The following MARVELD3 variants were observed in gnomAD, a reference collection of about 807,000 sequenced individuals.
The protein encoded by MARVELD3 is MARVEL domain-containing protein 3.
A neutral mutation model predicts 33.5 loss-of-function variants in MARVELD3; 28 were observed. The ratio of observed to expected loss-of-function variants is 0.84; its 90% CI spans 0.62 to 1.15. MARVELD3 has a LOEUF of 1.15. MARVELD3 is among the 50% of genes most tolerant of loss of function. The pLI, the probability that MARVELD3 is intolerant of heterozygous loss-of-function variation, is 0.00. For synonymous variants in MARVELD3, 241 were observed against 230.4 expected, an observed-to-expected ratio of 1.05 and a Z score of -0.42; for missense variants, 582 against 547.6, an observed-to-expected ratio of 1.06 and a Z score of -0.63.
In MARVELD3 at chr16:71,634,494, T is replaced by A. The variant is rs751361577; in HGVS notation, c.897T>A (p.Cys299Ter). Residue 299 changes from cysteine to a stop codon, truncating the protein, a stop_gained, in exon 3 of 3, where the codon TGT (cysteine) becomes TGA (stop). Coordinates refer to ENST00000268485, the MANE Select transcript of MARVELD3 (RefSeq NM_052858.6). LOFTEE classifies it high-confidence loss of function. The part of the protein sequence containing the change: ...AMGVLRVPWH[C>*]PLLLVTEGLL... Reference sequence around the variant, plus strand: ...GTGTCCTGCGGGTCCCGTGGCATTGTCCACTGTTGCTGGTGACCGAAGGCT... The same window carrying A: ...GTGTCCTGCGGGTCCCGTGGCATTGACCACTGTTGCTGGTGACCGAAGGCT... 1.9e-6 allele frequency: 3 copies of A among 1,614,190 alleles called. No individual in the cohort carries two copies. The Admixed American group carries it at 5.0e-5, about 27-fold the overall frequency.
rs750788364 is a variant in MARVELD3 at position 71,634,729 on chromosome 16, G to A, written c.1132G>A (p.Ala378Thr). The change falls in exon 3 of 3, where the codon GCT becomes ACT. Residue 378 changes from alanine (A) to threonine (T), a missense_variant. Physicochemically the swap from Ala to Thr is moderately conservative, Grantham distance 58. Coordinates refer to ENST00000268485, the MANE Select transcript of MARVELD3 (RefSeq NM_052858.6). ...ALGIVVFALGAVLAIKGYRKV... is the reference protein window; with the variant it reads ...ALGIVVFALGTVLAIKGYRKV... ...GGGCATTGTGGTCTTTGCCCTGGGG[G>A]CTGTCCTGGCCATAAAGGGCTACCG... The A allele has an allele frequency of 6.2e-7, 1 of 1,614,138 alleles. No individual in the cohort carries two copies. Among genetic ancestry groups the A allele is most frequent in the South Asian group, 1.1e-5 (1 of 91,080 alleles).
intron 1 of MARVELD3, among the ~76,000 whole-genome samples, chr16:71,628,488 G>C (rs967076705): frequency 4.6e-5 from 7 of 151,080 alleles, no homozygotes; most frequent in Non-Finnish European, 7.4e-5. Flanking sequence ...AGTGAGCTGA[G>C]ATCTCGACAC....
At position 71,626,299 on chromosome 16, in the gene MARVELD3, C is replaced by A. The variant is rs772212824; in HGVS notation, c.70C>A (p.His24Asn). Residue 24 changes from histidine to asparagine, a missense_variant, in exon 1 of 3, where the codon CAC (histidine) becomes AAC (asparagine). Physicochemically the swap from His to Asn is moderately conservative, Grantham distance 68. Coordinates refer to ENST00000268485, the MANE Select transcript of MARVELD3 (RefSeq NM_052858.6). This position sits in a 1 kb window ranked among gnomAD's most constrained non-coding sequence, Gnocchi z 5.3. The stretch of plus-strand genomic sequence containing the variant: ...AGAGCGGGACCCGGGACGGCGCCCC[C>A]ACCCAGACCAAGGCCGCACCCACGA... ...PRERDPGRRPHPDQGRTHDRP... is the reference protein window; with the variant it reads ...PRERDPGRRPNPDQGRTHDRP... 1.1e-5 allele frequency: 17 copies of A among 1,547,038 alleles called. No homozygotes were observed. The East Asian group carries it at 3.2e-4, about 29-fold the overall frequency.
At chr16:71,634,107 C>A (rs1422442273) in intron 2 of MARVELD3, 86 bp from the exon 3 acceptor site, 1 of 1,534,614 alleles carries the variant, frequency 6.5e-7, no homozygotes, top group Admixed American at 2.0e-5. Flanking sequence ...GGGGTCTGAG[C>A]CCTGCGCGGA....
Position 71,635,846 on chromosome 16 carries a change from G to C in MARVELD3, c.*1043G>C. ...GCGTGGGCTGAGGAAAGAGGAATCAGATTAATTCTCTGGGTTGCAAAGAGG... is the reference window on the plus strand; with the variant it reads ...GCGTGGGCTGAGGAAAGAGGAATCACATTAATTCTCTGGGTTGCAAAGAGG... On this transcript the variant is annotated 3_prime_UTR_variant, in exon 3 of 3. Transcript: ENST00000268485. 1.0e-6 allele frequency: 1 copy of C among 985,392 alleles called. No individual in the cohort carries two copies. The highest frequency in any genetic ancestry group is 1.2e-6 in the Non-Finnish European group (1 of 829,940). 61.0% of individuals were successfully genotyped at this position (985,392 alleles called of 1,614,324 possible).
In MARVELD3 at chr16:71,626,489, G is replaced by T. The variant is rs1383585051; in HGVS notation, c.260G>T (p.Arg87Leu). ...AGAGAGAGGGAAAGAGACCCGGACC[G>T]AGGCCCCCGCCGGGACACACACAGG... ...RERERERDPD[R>L]GPRRDTHRDA... Residue 87 changes from arginine (R) to leucine (L), a missense_variant, in exon 1 of 3, where the codon CGA becomes CTA. Arg to Leu is a moderately radical substitution (Grantham distance 102). Transcript: ENST00000268485. The surrounding 1 kb of genome is among the most constrained non-coding windows in gnomAD (Gnocchi z 5.3). 6.5e-7 allele frequency: 1 copy of T among 1,549,694 alleles called. No individual in the cohort carries two copies. Among genetic ancestry groups the T allele is most frequent in the Non-Finnish European group, 8.7e-7 (1 of 1,146,836 alleles).
chr16:71,637,911 T>C (rs1472664797), downstream of MARVELD3: 1 of 152,210 alleles, frequency 6.6e-6, no homozygotes, highest in Non-Finnish European at 1.5e-5. Context: ...CTTCCCACAG[T>C]ATCACACGGT....
chr16:71,632,955 A>G (rs1338823642), intron 2 of MARVELD3, among the ~76,000 whole-genome samples: 1 of 152,080 alleles, frequency 6.6e-6, no homozygotes, highest in Non-Finnish European at 1.5e-5. Flanking sequence ...TAACATTTTG[A>G]TGTATAACTT....
chr16:71,630,580 C>T (rs892847208), intron 2 of MARVELD3, among the ~76,000 whole-genome samples: 7 of 151,246 alleles, frequency 4.6e-5, no homozygotes, highest in East Asian at 3.9e-4. Context: ...GCCAAGATTT[C>T]GCCATTGCAC....
downstream of MARVELD3, chr16:71,637,711 C>T (rs930565035): frequency 6.6e-6 from 1 of 152,122 alleles, no homozygotes; most frequent in African/African-American, 2.4e-5. Context: ...ATGGTACCCC[C>T]TAGTGTGTTA....
downstream of MARVELD3, chr16:71,640,843 A>G (rs1169632730): frequency 1.2e-6 from 2 of 1,614,198 alleles, no homozygotes; most frequent in African/African-American, 1.3e-5. Context: ...ACCTGGATGG[A>G]CTGCCAGCTG....
At chr16:71,640,786 C>G, downstream of MARVELD3, 1 of 1,614,240 alleles carries the variant, frequency 6.2e-7, no homozygotes, top group South Asian at 1.1e-5. Flanking sequence ...ATCAATAGCA[C>G]CGACACTTGC....
chr16:71,638,651 T>C (rs1300139747), downstream of MARVELD3: 1 of 152,190 alleles, frequency 6.6e-6, no homozygotes, highest in Non-Finnish European at 1.5e-5. Context: ...TTGCAAGAAG[T>C]CACAAAAACA....
At chr16:71,630,390 C>T (rs1175386044) in intron 2 of MARVELD3, among the ~76,000 whole-genome samples, 5 of 149,510 alleles carry the variant, frequency 3.3e-5, no homozygotes, top group African/African-American at 2.5e-5. Flanking sequence ...CTTTGGGAGG[C>T]CAAGGTGGGT....
intron 1 of MARVELD3, among the ~76,000 whole-genome samples, chr16:71,627,944 G>A (rs543970522): frequency 6.6e-6 from 1 of 152,302 alleles, no homozygotes; most frequent in South Asian, 2.1e-4. Context: ...CCGAGGTGAC[G>A]ACTGCTTCTG....
rs2044463972 is a variant in MARVELD3, at chr16:71,626,189, T to C, written c.-41T>C. 2.1e-6 allele frequency: 3 copies of C among 1,431,688 alleles called. No homozygotes were observed. Among genetic ancestry groups the C allele is most frequent in the African/African-American group, 2.9e-5 (2 of 68,972 alleles). 88.7% of individuals were successfully genotyped at this position (1,431,688 alleles called of 1,614,324 possible). A position where few individuals can be genotyped will look rare whatever the true frequency, so the allele number is the denominator to read the frequency against. On this transcript the variant is annotated 5_prime_UTR_variant, in exon 1 of 3. Coordinates refer to ENST00000268485, the MANE Select transcript of MARVELD3 (RefSeq NM_052858.6). This position sits in a 1 kb window ranked among gnomAD's most constrained non-coding sequence, Gnocchi z 5.3. ...CCTGCCCAAGAAACTTGTTGGTTGT[T>C]GCCCTCAGGTCGCTCCCGGGCGGGG...
At chr16:71,633,635 T>C (rs1264776043) in intron 2 of MARVELD3, among the ~76,000 whole-genome samples, 1 of 151,680 alleles carries the variant, frequency 6.6e-6, no homozygotes, top group Non-Finnish European at 1.5e-5. Context: ...CCTCAAATGA[T>C]CCACCTGCCT....
At chr16:71,640,657 G>A (rs866508869), downstream of MARVELD3, 26 of 1,614,248 alleles carry the variant, frequency 1.6e-5, no homozygotes, top group Non-Finnish European at 1.9e-5. Context: ...TTACTCCAAG[G>A]AGCCAAGAGT....
intron 1 of MARVELD3, among the ~76,000 whole-genome samples, chr16:71,627,819 G>A (rs970576526): frequency 1.3e-4 from 20 of 152,278 alleles, no homozygotes; most frequent in Non-Finnish European, 2.5e-4. Flanking sequence ...TCCCCACACC[G>A]CCTCCTAGGG....
Sources: gnomAD v4.1 joint callset for allele counts (sites outside exome capture counted in the v4.1 genomes callset) on GRCh38, gnomAD v4.1.1 for gene constraint, Gnocchi (gnomAD v3.1) non-coding constraint, MANE v1.5 for transcripts, NCBI Gene and HGNC (gene_info 2026-07-23, HGNC 2026-07-21) for gene names.